The following TMEM132B variants were observed in gnomAD, a reference collection of about 807,000 sequenced individuals.
The protein encoded by TMEM132B is transmembrane protein 132B.
In TMEM132B, 18 loss-of-function variants were observed where a neutral mutation model predicts 90.8. The observed-to-expected ratio is 0.20, with a 90% confidence interval of 0.14 to 0.29. The LOEUF is 0.29. Ranked by LOEUF, TMEM132B falls within the 10% of genes least tolerant of loss-of-function variation. TMEM132B has a pLI of 1.00. For missense variants in TMEM132B, 1,096 were observed against 1,326.8 expected (o/e 0.83, Z 2.70); for synonymous variants, 504 against 523.3 (o/e 0.96, Z 0.50).
intron 1 of TMEM132B, among the ~76,000 whole-genome samples, chr12:125,321,344 C>T (rs1034332183): frequency 1.4e-4 from 21 of 152,076 alleles, no homozygotes; most frequent in Non-Finnish European, 2.9e-4. Flanking sequence ...AATGAGATAC[C>T]ACTGCACAAC....
At chr12:125,187,934 C>G (rs1344688130) in intron 1 of TMEM132B, among the ~76,000 whole-genome samples, 1 of 152,176 alleles carries the variant, frequency 6.6e-6, no homozygotes, top group Non-Finnish European at 1.5e-5. Flanking sequence ...TTTAGAAAAT[C>G]TCTCCCCATT....
intron 3 of TMEM132B, among the ~76,000 whole-genome samples, chr12:125,487,108 A>G (rs747389814): frequency 1.3e-5 from 2 of 152,226 alleles, no homozygotes; most frequent in Non-Finnish European, 2.9e-5. Flanking sequence ...AATACTATTT[A>G]GCACATCCTT....
At chr12:125,425,681 G>A (rs115151478) in intron 3 of TMEM132B, among the ~76,000 whole-genome samples, 1,704 of 152,152 alleles carry the variant, frequency 0.011, 30 homozygotes, top group African/African-American at 0.038. Context: ...CCAGAATGTC[G>A]TATAGTTGGA....
At chr12:125,359,753 T>C (rs893202313) in intron 2 of TMEM132B, among the ~76,000 whole-genome samples, 26 of 152,296 alleles carry the variant, frequency 1.7e-4, no homozygotes, top group Non-Finnish European at 2.9e-4. Flanking sequence ...CCCGACCCTG[T>C]GATGACTTAC....
chr12:125,199,420 G>A (rs746235136), intron 1 of TMEM132B, among the ~76,000 whole-genome samples: 7 of 152,178 alleles, frequency 4.6e-5, no homozygotes, highest in Non-Finnish European at 1.0e-4. Flanking sequence ...GTTGGAGCAG[G>A]TGGAAACTCT....
chr12:125,326,281 G>A (rs371943414), intron 1 of TMEM132B, among the ~76,000 whole-genome samples: 9 of 152,306 alleles, frequency 5.9e-5, no homozygotes, highest in Middle Eastern at 3.4e-3. Context: ...TCCTGTCCCC[G>A]TGCCTTTGAG....
At chr12:125,426,541 C>T (rs992092344) in intron 3 of TMEM132B, among the ~76,000 whole-genome samples, 3 of 152,066 alleles carry the variant, frequency 2.0e-5, no homozygotes, top group African/African-American at 7.2e-5. Flanking sequence ...TATTTTTGGC[C>T]CCTGAGTCTT....
chr12:125,361,758 T>C (rs1593104690), intron 2 of TMEM132B, among the ~76,000 whole-genome samples: 3 of 152,208 alleles, frequency 2.0e-5, no homozygotes, highest in African/African-American at 7.2e-5. Flanking sequence ...ACATGGTGCT[T>C]ACCCCCCAAA....
intron 5 of TMEM132B, among the ~76,000 whole-genome samples, chr12:125,590,694 AG>A (rs1166571059): frequency 6.6e-6 from 1 of 152,262 alleles, no homozygotes; most frequent in African/African-American, 2.4e-5. Context: ...TTCTATCCGT[AG>A]GAGCTTACTA....
intron 3 of TMEM132B, among the ~76,000 whole-genome samples, chr12:125,482,259 C>G (rs1464455788): frequency 6.6e-6 from 1 of 152,218 alleles, no homozygotes; most frequent in East Asian, 1.9e-4. Flanking sequence ...CAAATGTGAT[C>G]TAATTAAACT....
intron 5 of TMEM132B, among the ~76,000 whole-genome samples, chr12:125,607,799 A>G (rs1885732089): frequency 6.6e-6 from 1 of 152,192 alleles, no homozygotes; most frequent in Non-Finnish European, 1.5e-5. Context: ...CCACTAACCT[A>G]CTTTTGAGCT....
intron 2 of TMEM132B, among the ~76,000 whole-genome samples, chr12:125,414,508 G>T (rs1297306259): frequency 6.6e-6 from 1 of 152,122 alleles, no homozygotes; most frequent in Non-Finnish European, 1.5e-5. Flanking sequence ...TCATGGGAGA[G>T]GGTGCCCAGG....
chr12:125,477,251 C>A (rs1881906839), intron 3 of TMEM132B, among the ~76,000 whole-genome samples: 1 of 151,880 alleles, frequency 6.6e-6, no homozygotes, highest in Non-Finnish European at 1.5e-5. Context: ...ATTTTACTTT[C>A]ACTTAAAGGT....
chr12:125,605,009 T>C (rs1033733567), intron 5 of TMEM132B, among the ~76,000 whole-genome samples: 1 of 152,182 alleles, frequency 6.6e-6, no homozygotes, highest in Non-Finnish European at 1.5e-5. Flanking sequence ...GTGGTGGTTA[T>C]TAAAGAGTGG....
intron 1 of TMEM132B, among the ~76,000 whole-genome samples, chr12:125,281,824 C>G (rs201484662): frequency 1.3e-5 from 2 of 151,710 alleles, no homozygotes; most frequent in Non-Finnish European, 2.9e-5. Flanking sequence ...GTCAGGAGAT[C>G]GAGACCATTC....
Position 125,282,046 on chromosome 12 carries a change from AAAAAAAAAAAAAAAG to A in TMEM132B, c.68-67404_68-67390del, listed in dbSNP as rs1374342152. Among the ~76,000 whole-genome samples the A allele has an allele frequency of 1.1e-3, 147 of 128,962 alleles. 3 individuals are homozygous for A. Among genetic ancestry groups the A allele is most frequent in the South Asian group, 3.0e-3 (13 of 4,300 alleles). 84.6% of individuals were successfully genotyped at this position (128,962 alleles called of 152,430 possible). The stretch of plus-strand genomic sequence containing the variant: ...CCGTCTCAAAAAAAAAAAAAAAAAA[AAAAAAAAAAAAAAAG>A]AGAGACTTTTGAAGCTTGGTGAGAG... On this transcript the variant is annotated intron_variant, in intron 1 of 8. Coordinates refer to ENST00000682704, the MANE Select transcript of TMEM132B (RefSeq NM_001366854.1).
intron 2 of TMEM132B, among the ~76,000 whole-genome samples, chr12:125,355,447 C>T (rs1449058465): frequency 6.6e-6 from 1 of 152,066 alleles, no homozygotes; most frequent in African/African-American, 2.4e-5. Context: ...GAGTTGGAAG[C>T]AGAGGCAGAA....
chr12:125,343,186 T>C (rs2136223661), intron 1 of TMEM132B, among the ~76,000 whole-genome samples: 1 of 152,338 alleles, frequency 6.6e-6, no homozygotes, highest in East Asian at 1.9e-4. Context: ...ATCTTCCTCC[T>C]GAGGCTCCAG....
chr12:125,233,363 C>T (rs146239237), intron 1 of TMEM132B, among the ~76,000 whole-genome samples: 1 of 152,356 alleles, frequency 6.6e-6, no homozygotes, highest in East Asian at 1.9e-4. Flanking sequence ...CTTCCATCCT[C>T]ATGGTCACCT....
Sources: allele counts gnomAD v4.1 joint callset (sites outside exome capture counted in the v4.1 genomes callset), GRCh38; gene constraint gnomAD v4.1.1; transcripts MANE v1.5; gene names NCBI Gene and HGNC (gene_info 2026-07-23, HGNC 2026-07-21).